Variants in FARP1 observed in about 807,000 individuals in gnomAD.
The protein encoded by FARP1 is FERM, ARH/RhoGEF and pleckstrin domain protein 1.
Under a neutral mutation model 128.8 loss-of-function variants are expected in FARP1, and 52 were observed. That is an observed-to-expected ratio of 0.40 (90% CI 0.32 to 0.51). The LOEUF (loss-of-function observed/expected upper bound fraction) is 0.51. Among genes scored for constraint, FARP1 ranks in the 20% least tolerant of loss-of-function variants. The pLI is 0.45. For synonymous variants in FARP1, 580 were observed against 551.8 expected (o/e 1.05, Z -0.72); for missense variants, 1,333 against 1,367.9 (o/e 0.97, Z 0.40).
intron 16 of FARP1, among the ~76,000 whole-genome samples, chr13:98,421,024 C>T (rs923996644): frequency 3.9e-5 from 6 of 152,122 alleles, no homozygotes; most frequent in African/African-American, 4.8e-5. Flanking sequence ...CAGGATGGGA[C>T]GAGAAAGACA....
At chr13:98,371,211 G>A (rs1203920513) in intron 5 of FARP1, among the ~76,000 whole-genome samples, 5 of 114,232 alleles carry the variant, frequency 4.4e-5, no homozygotes, top group African/African-American at 9.9e-5. Flanking sequence ...CCTCACCCCC[G>A]CCCCCCGTTT....
intron 24 of FARP1, 58 bp downstream of exon 24, chr13:98,440,894 G>T: frequency 6.6e-7 from 1 of 1,515,454 alleles, no homozygotes. Flanking sequence ...GCAGAACCCA[G>T]GCAAACTTCT....
At chr13:98,197,126 T>C (rs775418891) in intron 1 of FARP1, among the ~76,000 whole-genome samples, 20 of 152,328 alleles carry the variant, frequency 1.3e-4, no homozygotes, top group Non-Finnish European at 2.6e-4. Context: ...ATTTACTGAA[T>C]TTGGTAAGCT....
At chr13:98,414,941 C>T (rs1891321143) in intron 16 of FARP1, among the ~76,000 whole-genome samples, 1 of 152,220 alleles carries the variant, frequency 6.6e-6, no homozygotes, top group African/African-American at 2.4e-5. Context: ...TTAGTGGAAC[C>T]AGAGGACAAA....
intron 2 of FARP1, chr13:98,332,300 T>C (rs918140512): frequency 1.2e-4 from 18 of 152,008 alleles, no homozygotes; most frequent in African/African-American, 3.9e-4. Context: ...TTGGATATGA[T>C]TGTACTTTTG....
intron 2 of FARP1, among the ~76,000 whole-genome samples, chr13:98,334,958 C>T (rs1278499419): frequency 6.6e-6 from 1 of 152,168 alleles, no homozygotes; most frequent in African/African-American, 2.4e-5. Context: ...TGGTTATGTC[C>T]ACCTGAGCAT....
intron 2 of FARP1, among the ~76,000 whole-genome samples, chr13:98,241,800 T>G (rs1882786421): frequency 6.6e-6 from 1 of 152,136 alleles, no homozygotes; most frequent in East Asian, 1.9e-4. Context: ...ATGCCTGTGA[T>G]CTCAGCTACT....
intron 2 of FARP1, among the ~76,000 whole-genome samples, chr13:98,248,890 G>A (rs1003561345): frequency 1.1e-4 from 16 of 152,030 alleles, no homozygotes; most frequent in Admixed American, 6.6e-4. Context: ...GTTCCTGAGC[G>A]CAAGAAGGCT....
rs1287097698 is a variant in FARP1, at chr13:98,429,745, A to C, written c.1906-1298A>C. Reference sequence around the variant, plus strand: ...TCCGGGGCGTGGGAGTGGAGAAGCCACTGAGGTTGGGCCATAGCCTGGATG... The same window carrying C: ...TCCGGGGCGTGGGAGTGGAGAAGCCCCTGAGGTTGGGCCATAGCCTGGATG... On this transcript the variant is annotated intron_variant, in intron 17 of 26. Coordinates refer to ENST00000319562, the MANE Select transcript of FARP1 (RefSeq NM_005766.4). Among the ~76,000 whole-genome samples, 5 of 152,252 alleles carry C rather than the reference A, an allele frequency of 3.3e-5. No homozygotes were observed. The East Asian group carries it at 5.8e-4, about 18-fold the overall frequency.
intron 16 of FARP1, among the ~76,000 whole-genome samples, chr13:98,415,148 C>T (rs970947043): frequency 1.3e-5 from 2 of 152,158 alleles, no homozygotes; most frequent in East Asian, 1.9e-4. Context: ...CCAAACCTGG[C>T]GGTGCCTCAG....
intron 13 of FARP1, chr13:98,397,905 A>T (rs1268856184): frequency 1.8e-4 from 3 of 16,700 alleles, no homozygotes; most frequent in Non-Finnish European, 3.4e-4. Flanking sequence ...TTTTTGAAAA[A>T]AAAAAAAAAA....
At position 98,321,842 on chromosome 13, in the gene FARP1, C is replaced by G. The variant is rs182586762; in HGVS notation, c.172-21920C>G. Among the ~76,000 whole-genome samples, 29 of 152,352 alleles carry G rather than the reference C, an allele frequency of 1.9e-4. No individual in the cohort carries two copies. The East Asian group carries it at 2.9e-3, about 15-fold the overall frequency. On this transcript the variant is annotated intron_variant, in intron 2 of 26. Coordinates refer to ENST00000319562, the MANE Select transcript of FARP1 (RefSeq NM_005766.4). Reference sequence around the variant, plus strand: ...TGAGAGAATTTGATGTCACCACCTTCCAGCCTGGGCTTTGGATTTGAGCAA... The same window carrying G: ...TGAGAGAATTTGATGTCACCACCTTGCAGCCTGGGCTTTGGATTTGAGCAA...
chr13:98,450,309 A>C lies in FARP1; in HGVS notation c.*1992A>C, dbSNP rs2139208360. On this transcript the variant is annotated 3_prime_UTR_variant, in exon 27 of 27. Coordinates refer to ENST00000319562, the MANE Select transcript of FARP1 (RefSeq NM_005766.4). ...CTGACACATTTTATAGCAGAAATAC[A>C]CAAGCTGTTTTTAAAGGAGGGAAAT... 1 of 152,374 alleles carries C rather than the reference A, an allele frequency of 6.6e-6. No individual in the cohort carries two copies. The highest frequency in any genetic ancestry group is 2.1e-4 in the South Asian group (1 of 4,830). The allele number at this position is 152,374 out of a possible 1,614,324, so 9.4% of individuals were successfully genotyped here.
intron 1 of FARP1, among the ~76,000 whole-genome samples, chr13:98,202,647 G>A (rs1880023418): frequency 6.6e-6 from 1 of 152,106 alleles, no homozygotes. Context: ...GTTGGTAGGA[G>A]TGTGTGCTTT....
intron 17 of FARP1, among the ~76,000 whole-genome samples, chr13:98,430,092 A>T (rs60255911): frequency 7.3e-5 from 11 of 150,988 alleles, no homozygotes; most frequent in East Asian, 1.9e-4. Context: ...TAAATAAATA[A>T]TTTTTTTTTA....
At chr13:98,429,055 G>A (rs561446523) in intron 17 of FARP1, among the ~76,000 whole-genome samples, 1 of 152,296 alleles carries the variant, frequency 6.6e-6, no homozygotes, top group South Asian at 2.1e-4. Flanking sequence ...AGGGAGGCTG[G>A]GTGAGGGGTG....
intron 1 of FARP1, among the ~76,000 whole-genome samples, chr13:98,203,546 C>T (rs956666817): frequency 5.3e-5 from 8 of 152,162 alleles, no homozygotes; most frequent in Non-Finnish European, 1.0e-4. Context: ...AAAATGTTTG[C>T]GAGGTCCATC....
At chr13:98,360,490 A>C (rs879852798) in intron 3 of FARP1, among the ~76,000 whole-genome samples, 14 of 152,190 alleles carry the variant, frequency 9.2e-5, no homozygotes, top group Non-Finnish European at 2.1e-4. Context: ...AAATGCTCGC[A>C]CAGGGGAAAG....
At chr13:98,171,354 G>A (rs1877640804) in intron 1 of FARP1, among the ~76,000 whole-genome samples, 1 of 152,150 alleles carries the variant, frequency 6.6e-6, no homozygotes, top group Non-Finnish European at 1.5e-5. Flanking sequence ...ACACCCTCTT[G>A]TTTCCCACGC....
Sources: allele counts gnomAD v4.1 joint callset (sites outside exome capture counted in the v4.1 genomes callset), GRCh38; gene constraint gnomAD v4.1.1; transcripts MANE v1.5; gene names NCBI Gene and HGNC (gene_info 2026-07-23, HGNC 2026-07-21).